The following KLK15 variants were observed in gnomAD, a reference collection of about 807,000 sequenced individuals.
The protein encoded by KLK15 is kallikrein related peptidase 15, also known as kallikrein-15.
KLK15 carries 19 observed loss-of-function variants against 21.1 expected under a neutral mutation model. The ratio of observed to expected loss-of-function variants is 0.90; its 90% CI spans 0.63 to 1.32. The LOEUF is 1.32. Among genes scored for constraint, KLK15 ranks in the 40% most tolerant of loss-of-function variants. The pLI is 0.00. For synonymous variants in KLK15, 141 were observed against 141.5 expected, an observed-to-expected ratio of 1.00 and a Z score of 0.03; for missense variants, 345 against 348.6, an observed-to-expected ratio of 0.99 and a Z score of 0.08.
intron 2 of KLK15, among the ~76,000 whole-genome samples, chr19:50,827,416 C>G (rs746245967): frequency 6.6e-6 from 1 of 151,690 alleles, no homozygotes; most frequent in African/African-American, 2.4e-5. Context: ...CCTGGTCTGT[C>G]CCCGAATCCA....
chr19:50,832,534 G>GC (rs56990700), upstream of KLK15, among the ~76,000 whole-genome samples: 74,349 of 151,372 alleles, frequency 0.49, 18,425 homozygotes, highest in East Asian at 0.56. Flanking sequence ...TGTTGGCCAG[G>GC]CTGGTCTTGA....
At chr19:50,825,887 T>C (rs778321609) in exon 5 of KLK15, 3 of 1,613,830 alleles carry the variant, frequency 1.9e-6, no homozygotes, top group Non-Finnish European at 2.5e-6. Context: ...ACAAGGGACG[T>C]CACCCCAGGA....
exon 2 of KLK15, chr19:50,827,808 C>T (rs1555765619): frequency 6.2e-7 from 1 of 1,611,294 alleles, no homozygotes; most frequent in Non-Finnish European, 8.5e-7. Context: ...TGTCACCATC[C>T]TGGGCTGCTA....
At chr19:50,827,609 G>A in intron 2 of KLK15, 53 bp downstream of exon 3, 10 of 1,569,030 alleles carry the variant, frequency 6.4e-6, no homozygotes, top group Middle Eastern at 2.0e-4. Context: ...AAATCTAGGA[G>A]CTCTTCCCCC....
chr19:50,832,326 T>TCA (rs1555766939), upstream of KLK15, among the ~76,000 whole-genome samples: 78 of 61,174 alleles, frequency 1.3e-3, no homozygotes, highest in African/African-American at 2.5e-3. Context: ...TTTTTTCTTT[T>TCA]TTTTTTTTTT....
intron 4 of KLK15, chr19:50,826,333 C>A (rs2089878285): frequency 2.1e-6 from 1 of 466,488 alleles, no homozygotes; most frequent in African/African-American, 2.0e-5. Context: ...CATCCCAATT[C>A]AACCCTGACG....
chr19:50,826,944 C>T, exon 3 of KLK15: 2 of 1,600,980 alleles, frequency 1.2e-6, no homozygotes. Context: ...CCAGACACCA[C>T]ACAGGCCTCC....
At position 50,826,949 on chromosome 19, in the gene KLK15, G is replaced by A. The variant is rs755867706; in HGVS notation, c.410C>T (p.Ala137Val). Residue 137 changes from alanine (A) to valine (V), a missense_variant, in exon 3 of 5, where the codon GCC (alanine) becomes GTC (valine). Ala to Val is a moderately conservative substitution (Grantham distance 64). Coordinates refer to ENST00000598239, the Ensembl canonical transcript of KLK15. ...CAGGCCCCAGCCAGACACCACACAGGCCTCCCCCGGGTGGGGGCAACGCGT... is the reference window on the plus strand; with the variant it reads ...CAGGCCCCAGCCAGACACCACACAGACCTCCCCCGGGTGGGGGCAACGCGT... 1 of 1,602,872 alleles carries A rather than the reference G, an allele frequency of 6.2e-7. No individual in the cohort carries two copies. Among genetic ancestry groups the A allele is most frequent in the Non-Finnish European group, 8.5e-7 (1 of 1,175,662 alleles).
At position 50,830,160 on chromosome 19, in the gene KLK15, T is replaced by TACACACAC. The variant is rs58238482; in HGVS notation, c.43+1282_43+1289dup. Among the ~76,000 whole-genome samples, 931 of 147,368 alleles carry TACACACAC rather than the reference T, an allele frequency of 6.3e-3. 34 individuals are homozygous for TACACACAC. The highest frequency in any genetic ancestry group is 0.036 in the Admixed American group (536 of 14,714). On this transcript the variant is annotated intron_variant, in intron 1 of 4. Transcript: ENST00000598239. The stretch of plus-strand genomic sequence containing the variant: ...TGTATACCCACTGCACACGTGCATG[T>TACACACAC]ACACACACACACACACACACACACA...
intron 4 of KLK15, 89 bp downstream of exon 5, chr19:50,826,532 C>A: frequency 6.9e-7 from 1 of 1,451,290 alleles, no homozygotes; most frequent in African/African-American, 1.4e-5. Context: ...TCTTCTCTGG[C>A]CCAAAGCAAA....
upstream of KLK15, among the ~76,000 whole-genome samples, chr19:50,832,558 A>G (rs1324586246): frequency 8.6e-6 from 1 of 116,776 alleles, no homozygotes; most frequent in Non-Finnish European, 1.9e-5. Context: ...CCTGACCTCT[A>G]GTGATCCACC....
chr19:50,833,005 C>T (rs142212375), upstream of KLK15: 3,992 of 152,434 alleles, frequency 0.026, 66 homozygotes, highest in Non-Finnish European at 0.038. Flanking sequence ...CACTCTGCCC[C>T]CACCTCTTCT....
exon 3 of KLK15, chr19:50,826,993 C>T: frequency 1.9e-6 from 3 of 1,606,212 alleles, no homozygotes; most frequent in Non-Finnish European, 1.7e-6. Context: ...CCGCGGGGCG[C>T]ACCTGGGGGT....
chr19:50,832,687 T>C (rs2659056), upstream of KLK15, among the ~76,000 whole-genome samples: 32,869 of 152,130 alleles, frequency 0.22, 4,529 homozygotes, highest in East Asian at 0.4. Context: ...TCCCATGACC[T>C]TGTCCTAGAC....
rs531042734 is a variant in KLK15 at position 50,826,868 on chromosome 19, T to C, written c.481+10A>G. Reference sequence around the variant, plus strand: ...TGAGGCCTCGCATCCAGCTCCATCCTTTCACGCACCTTGTGACCGGGGGCT... The same window carrying C: ...TGAGGCCTCGCATCCAGCTCCATCCCTTCACGCACCTTGTGACCGGGGGCT... On this transcript the variant is annotated intron_variant, in intron 3 of 4. Transcript: ENST00000598239. 7.7e-6 allele frequency: 12 copies of C among 1,555,082 alleles called. No homozygotes were observed. The East Asian group carries it at 2.3e-4, about 29-fold the overall frequency.
chr19:50,832,917 C>T (rs182315019), upstream of KLK15, among the ~76,000 whole-genome samples: 8 of 152,300 alleles, frequency 5.3e-5, no homozygotes, highest in Admixed American at 3.3e-4. Flanking sequence ...GCCCGACCCA[C>T]GGGAGGCCTC....
exon 2 of KLK15, chr19:50,827,801 C>T (rs1240983075): frequency 6.2e-7 from 1 of 1,611,462 alleles, no homozygotes; most frequent in East Asian, 2.2e-5. Context: ...AGCAACTTGT[C>T]ACCATCCTGG....
At position 50,827,829 on chromosome 19, in the gene KLK15, T is replaced by C. The variant is rs1223505393; in HGVS notation, c.44-14A>G. 6.2e-7 allele frequency: 1 copy of C among 1,610,218 alleles called. No homozygotes were observed. Among genetic ancestry groups the C allele is most frequent in the Admixed American group, 1.7e-5 (1 of 59,822 alleles). On this transcript the variant is annotated splice_polypyrimidine_tract_variant and intron_variant, in intron 1 of 4. Transcript: ENST00000598239. Reference sequence around the variant, plus strand: ...CATCCTGGGCTGCTAAGAGAAGGGGTAGAGGATGCCTGAGGACAGGGACGT... The same window carrying C: ...CATCCTGGGCTGCTAAGAGAAGGGGCAGAGGATGCCTGAGGACAGGGACGT...
At chr19:50,828,465 C>T (rs575236682) in intron 1 of KLK15, among the ~76,000 whole-genome samples, 1 of 151,788 alleles carries the variant, frequency 6.6e-6, no homozygotes, top group Non-Finnish European at 1.5e-5. Context: ...AGACGTCAAA[C>T]GCATGTGGCC....
Sources: gnomAD v4.1 joint callset for allele counts (sites outside exome capture counted in the v4.1 genomes callset) on GRCh38, gnomAD v4.1.1 for gene constraint, MANE v1.5 for transcripts, NCBI Gene and HGNC (gene_info 2026-07-23, HGNC 2026-07-21) for gene names.